The following PLB1 variants were observed in gnomAD, a reference collection of about 807,000 sequenced individuals.
PLB1 encodes phospholipase B1, membrane-associated.
Under a neutral mutation model 227.4 loss-of-function variants are expected in PLB1, and 242 were observed. The observed-to-expected ratio is 1.06, with a 90% CI of 0.96 to 1.18. PLB1 has a LOEUF of 1.18. PLB1 is among the 50% of genes most tolerant of loss of function. PLB1 has a pLI of 0.00. For missense variants in PLB1, 1,858 were observed against 1,816.3 expected (o/e 1.02, Z -0.42); for synonymous variants, 757 against 682.2 (o/e 1.11, Z -1.71).
At chr2:28,578,311 T>G (rs1047628347) in intron 22 of PLB1, among the ~76,000 whole-genome samples, 153 bp downstream of exon 22, 5 of 152,222 alleles carry the variant, frequency 3.3e-5, no homozygotes, top group African/African-American at 4.8e-5. Flanking sequence ...GATTCCTATT[T>G]GTTCAGTCAG....
intron 39 of PLB1, 103 bp downstream of exon 39, chr2:28,603,024 A>G (rs921757700): frequency 5.9e-6 from 6 of 1,024,144 alleles, no homozygotes; most frequent in Non-Finnish European, 9.0e-6. Context: ...TGGTCTATCC[A>G]TGTGTCCAAG....
chr2:28,634,829 TGAGCATGG>T, intron 56 of PLB1, among the ~76,000 whole-genome samples: 1 of 152,130 alleles, frequency 6.6e-6, no homozygotes, highest in East Asian at 1.9e-4. Context: ...GAAGATCACT[TGAGCATGG>T]GAGGTCAAGG....
At chr2:28,577,204 G>A (rs370250645) in intron 21 of PLB1, among the ~76,000 whole-genome samples, 1 of 152,294 alleles carries the variant, frequency 6.6e-6, no homozygotes, top group South Asian at 2.1e-4. Context: ...TGTGGAACCA[G>A]GATTCAAACC....
intron 29 of PLB1, 50 bp downstream of exon 29, chr2:28,590,126 G>A: frequency 6.7e-7 from 1 of 1,484,506 alleles, no homozygotes; most frequent in South Asian, 1.1e-5. Flanking sequence ...TGGGCTTCTT[G>A]GCTCATTTCA....
chr2:28,620,629 A>G lies in PLB1; in HGVS notation c.3413A>G (p.His1138Arg), dbSNP rs1686909222. ...GGAGGGGATGGGAACTTGGAGACTCACACCACACTGCCCAGTAAGTAGCAG... is the reference window on the plus strand; with the variant it reads ...GGAGGGGATGGGAACTTGGAGACTCGCACCACACTGCCCAGTAAGTAGCAG... ...SIGGDGNLETHTTLPNILKKF... is the reference protein window; with the variant it reads ...SIGGDGNLETRTTLPNILKKF... Residue 1138 changes from histidine (H) to arginine (R), a missense_variant, in exon 48 of 58, where the codon CAC (histidine) becomes CGC (arginine). Transcript: ENST00000327757. 1.2e-6 allele frequency: 2 copies of G among 1,613,820 alleles called. No individual in the cohort carries two copies. The highest frequency in any genetic ancestry group is 1.7e-6 in the Non-Finnish European group (2 of 1,179,942).
At chr2:28,502,239 G>T (rs1417161250) in intron 1 of PLB1, among the ~76,000 whole-genome samples, 1 of 152,074 alleles carries the variant, frequency 6.6e-6, no homozygotes. Context: ...ATTTGATTAT[G>T]TTTTCATATT....
At chr2:28,606,202 C>G (rs916834679) in intron 42 of PLB1, among the ~76,000 whole-genome samples, 28 of 152,214 alleles carry the variant, frequency 1.8e-4, no homozygotes, top group African/African-American at 6.5e-4. Flanking sequence ...CATATTCATT[C>G]CACTTTCCCT....
intron 4 of PLB1, among the ~76,000 whole-genome samples, chr2:28,520,890 G>T (rs1006325897): frequency 5.9e-5 from 9 of 152,112 alleles, no homozygotes; most frequent in Non-Finnish European, 1.3e-4. Flanking sequence ...CAGGAGAATC[G>T]CTTGAACCCA....
Position 28,643,160 on chromosome 2 carries a change from G to A in PLB1, c.*99G>A. On this transcript the variant is annotated 3_prime_UTR_variant, in exon 58 of 58. Coordinates refer to ENST00000327757, the MANE Select transcript of PLB1 (RefSeq NM_153021.5). ...GCCACCAGGACATGCTTCAATGCCT[G>A]GTGCCATAGGAAGCCCAGGGGACAG... is the stretch of plus-strand genomic sequence containing the variant. The A allele has an allele frequency of 8.1e-7, 1 of 1,227,996 alleles. No homozygotes were observed. The highest frequency in any genetic ancestry group is 1.1e-6 in the Non-Finnish European group (1 of 900,402). 76.1% of individuals were successfully genotyped at this position (1,227,996 alleles called of 1,614,324 possible).
intron 25 of PLB1, among the ~76,000 whole-genome samples, chr2:28,582,948 A>C (rs1232942871): frequency 1.3e-5 from 2 of 152,054 alleles, no homozygotes; most frequent in Non-Finnish European, 2.9e-5. Flanking sequence ...GTTCCATGTA[A>C]AGCATTCACA....
At chr2:28,618,300 C>G (rs1322221687) in intron 45 of PLB1, 41 bp from the exon 46 acceptor site, 2 of 1,573,414 alleles carry the variant, frequency 1.3e-6, no homozygotes, top group South Asian at 1.1e-5. Context: ...GAGGTAGATA[C>G]CCCCAGCCCC....
chr2:28,545,389 A>G (rs1572882886), intron 14 of PLB1, among the ~76,000 whole-genome samples: 1 of 152,176 alleles, frequency 6.6e-6, no homozygotes, highest in African/African-American at 2.4e-5. Flanking sequence ...ACCATCCCAC[A>G]GTTCCCGGAT....
At chr2:28,501,820 C>T (rs1667136175) in intron 1 of PLB1, among the ~76,000 whole-genome samples, 1 of 152,066 alleles carries the variant, frequency 6.6e-6, no homozygotes, top group South Asian at 2.1e-4. Context: ...TTTTTTCCAA[C>T]TGCAGAATAT....
At chr2:28,627,426 C>T (rs1238109321) in intron 51 of PLB1, among the ~76,000 whole-genome samples, 1 of 152,164 alleles carries the variant, frequency 6.6e-6, no homozygotes. Flanking sequence ...GTGTGTTCTT[C>T]ATGGGAACAG....
At chr2:28,516,963 A>C in intron 2 of PLB1, 94 bp downstream of exon 2, 1 of 1,266,754 alleles carries the variant, frequency 7.9e-7, no homozygotes, top group Non-Finnish European at 1.1e-6. Context: ...GTGCAAGTTG[A>C]CAGGCCCCTT....
At chr2:28,581,123 A>G (rs750456473) in intron 23 of PLB1, among the ~76,000 whole-genome samples, 16 of 152,176 alleles carry the variant, frequency 1.1e-4, no homozygotes, top group Non-Finnish European at 1.8e-4. Flanking sequence ...TTAGATTTCA[A>G]TCAGAGAAAG....
rs59137589 is a variant in PLB1 at position 28,511,788 on chromosome 2, C to CTTTTTTT, written c.56-5012_56-5006dup. 3.8e-3 allele frequency among the ~76,000 whole-genome samples: 502 copies of CTTTTTTT among 132,628 alleles called. 14 individuals are homozygous for CTTTTTTT. The highest frequency in any genetic ancestry group is 0.014 in the African/African-American group (481 of 35,410). 87.0% of individuals were successfully genotyped at this position (132,628 alleles called of 152,430 possible). A position where few individuals can be genotyped will look rare whatever the true frequency, so the allele number is the denominator to read the frequency against. ...TTTGGGAAGTTTTCAGCCATTTTAT[C>CTTTTTTT]TTTTTTTTTTTTTTGAGATGGAGTT... On this transcript the variant is annotated intron_variant, in intron 1 of 57. Transcript: ENST00000327757.
At chr2:28,633,835 T>G (rs1023213599) in intron 56 of PLB1, among the ~76,000 whole-genome samples, 38 of 152,350 alleles carry the variant, frequency 2.5e-4, no homozygotes, top group African/African-American at 8.4e-4. Flanking sequence ...CCAGGCTCAG[T>G]GGGTAACACA....
intron 33 of PLB1, chr2:28,593,992 T>C (rs1451461680): frequency 2.7e-6 from 2 of 745,924 alleles, no homozygotes; most frequent in Non-Finnish European, 5.0e-6. Context: ...CCAGGGTTCT[T>C]ATCAGACTCC....
Sources: gnomAD v4.1 joint callset for allele counts (sites outside exome capture counted in the v4.1 genomes callset) on GRCh38, gnomAD v4.1.1 for gene constraint, MANE v1.5 for transcripts, NCBI Gene and HGNC (gene_info 2026-07-23, HGNC 2026-07-21) for gene names.